Variants in PIK3R4 observed in about 807,000 individuals in gnomAD.
PIK3R4 encodes phosphoinositide 3-kinase regulatory subunit 4.
Under a neutral mutation model 136.5 loss-of-function variants are expected in PIK3R4, and 46 were observed. The ratio of observed to expected loss-of-function variants is 0.34; its 90% CI spans 0.27 to 0.43. PIK3R4 has a LOEUF of 0.43. Among genes scored for constraint, PIK3R4 ranks in the 20% least tolerant of loss-of-function variants. The probability of loss-of-function intolerance (pLI) is 1.00; values close to 1 mark genes in which losing one functional copy is unlikely to be tolerated. For synonymous variants in PIK3R4, 557 were observed against 566.7 expected (o/e 0.98, Z 0.24); for missense variants, 1,331 against 1,649.5 (o/e 0.81, Z 3.35).
intron 13 of PIK3R4, among the ~76,000 whole-genome samples, chr3:130,694,796 G>C (rs993982006): frequency 2.0e-5 from 3 of 151,970 alleles, no homozygotes; most frequent in African/African-American, 7.2e-5. Flanking sequence ...CAAATGTCCT[G>C]GCTAGAACCT....
intron 13 of PIK3R4, among the ~76,000 whole-genome samples, chr3:130,702,763 TAATCACATTTATTAA>T (rs1477790016): frequency 2.4e-4 from 36 of 152,270 alleles, no homozygotes; most frequent in Admixed American, 2.4e-3. Flanking sequence ...ATATTTATCA[TAATCACATTTATTAA>T]AATCACATCA....
intron 6 of PIK3R4, 130 bp downstream of exon 6, chr3:130,728,333 A>G (rs1362851413): frequency 1.6e-6 from 1 of 643,558 alleles, no homozygotes; most frequent in Non-Finnish European, 2.6e-6. Flanking sequence ...AAGCAGCATG[A>G]AGACAGAAAT....
At chr3:130,743,819 A>G (rs1209735941) in intron 2 of PIK3R4, among the ~76,000 whole-genome samples, 2 of 152,034 alleles carry the variant, frequency 1.3e-5, no homozygotes, top group African/African-American at 2.4e-5. Flanking sequence ...TTCACTCTCC[A>G]TGCTCCAGTC....
intron 6 of PIK3R4, among the ~76,000 whole-genome samples, chr3:130,727,343 C>G (rs1576461538): frequency 2.0e-5 from 3 of 151,782 alleles, no homozygotes; most frequent in Admixed American, 2.0e-4. Flanking sequence ...GCCTCAGCCC[C>G]CCTCCCGCCG....
intron 10 of PIK3R4, among the ~76,000 whole-genome samples, chr3:130,707,366 A>G (rs1186832001): frequency 6.6e-6 from 1 of 152,154 alleles, no homozygotes; most frequent in Non-Finnish European, 1.5e-5. Context: ...TAATAATAAG[A>G]CCTAATTACT....
intron 16 of PIK3R4, 54 bp downstream of exon 16, chr3:130,684,196 T>C: frequency 6.5e-7 from 1 of 1,539,954 alleles, no homozygotes; most frequent in Non-Finnish European, 9.0e-7. Flanking sequence ...AACAGGTTAT[T>C]ATGTACTTTC....
intron 16 of PIK3R4, among the ~76,000 whole-genome samples, chr3:130,682,022 T>C (rs974031860): frequency 2.0e-5 from 3 of 152,306 alleles, no homozygotes; most frequent in Non-Finnish European, 2.9e-5. Context: ...CTGACCTGAA[T>C]GAACCACATC....
At position 130,716,592 on chromosome 3, in the gene PIK3R4, C is replaced by A; in HGVS notation, c.2135G>T (p.Arg712Ile). The A allele has an allele frequency of 6.2e-7, 1 of 1,607,318 alleles. No homozygotes were observed. The highest frequency in any genetic ancestry group is 1.3e-5 in the African/African-American group (1 of 74,734). Residue 712 changes from arginine (R) to isoleucine (I), a missense_variant, in exon 9 of 20, where the codon AGA becomes ATA. By Grantham distance (97) the Arg-to-Ile change is moderately conservative. Around this residue, in one of 2 missense-constraint regions of PIK3R4, gnomAD observed 1,180 missense variants for 1,407.0 expected, o/e 0.84. Transcript: ENST00000356763. ...YITQPIIQIE[R>I]KLVLLSVLKE... ...TAAAACACTGAGCAGAACAAGTTTT[C>A]TTTCAATCTATATTGGAAAAATAAA...
intron 7 of PIK3R4, among the ~76,000 whole-genome samples, chr3:130,721,095 G>A (rs927699942): frequency 6.6e-6 from 1 of 152,138 alleles, no homozygotes; most frequent in African/African-American, 2.4e-5. Flanking sequence ...CAGCACTTTG[G>A]GAGGCTGAGG....
intron 12 of PIK3R4, among the ~76,000 whole-genome samples, chr3:130,704,240 A>G (rs1037864445): frequency 1.3e-5 from 2 of 152,210 alleles, no homozygotes; most frequent in Admixed American, 6.5e-5. Flanking sequence ...TCTGTGATTT[A>G]TTAAATAAAA....
rs1436520228 is a variant in PIK3R4 at position 130,705,783 on chromosome 3, A to G, written c.2722-12T>C. 1.8e-5 allele frequency: 27 copies of G among 1,522,756 alleles called. No individual in the cohort carries two copies. The highest frequency in any genetic ancestry group is 2.4e-5 in the Non-Finnish European group (26 of 1,098,432). 94.3% of individuals were successfully genotyped at this position (1,522,756 alleles called of 1,614,324 possible). On this transcript the variant is annotated splice_polypyrimidine_tract_variant and intron_variant, in intron 11 of 19. Coordinates refer to ENST00000356763, the MANE Select transcript of PIK3R4 (RefSeq NM_014602.3). ...GTCACTTCTGGAACCTACAAAACAAATAGAATTCTAACTATTTACGTCGTA... is the reference window on the plus strand; with the variant it reads ...GTCACTTCTGGAACCTACAAAACAAGTAGAATTCTAACTATTTACGTCGTA...
intron 3 of PIK3R4, 25 bp downstream of exon 3, chr3:130,735,844 T>C (rs1330519428): frequency 6.3e-7 from 1 of 1,590,196 alleles, no homozygotes; most frequent in Non-Finnish European, 8.5e-7. Flanking sequence ...AAAAACTTTA[T>C]GGCGAATATT....
chr3:130,704,193 C>T (rs944776411), intron 12 of PIK3R4, among the ~76,000 whole-genome samples: 5 of 152,112 alleles, frequency 3.3e-5, no homozygotes, highest in African/African-American at 1.2e-4. Flanking sequence ...GTACCTGCTA[C>T]CTCTGAAATC....
At chr3:130,691,867 G>GTTTTTTTT (rs757678674) in intron 13 of PIK3R4, among the ~76,000 whole-genome samples, 1 of 100,818 alleles carries the variant, frequency 9.9e-6, no homozygotes, top group Non-Finnish European at 2.0e-5. Flanking sequence ...TCTCTCTCTA[G>GTTTTTTTT]TTTTTTTTTT....
At chr3:130,685,517 A>C (rs1013937930) in intron 15 of PIK3R4, among the ~76,000 whole-genome samples, 1 of 152,208 alleles carries the variant, frequency 6.6e-6, no homozygotes, top group Non-Finnish European at 1.5e-5. Context: ...GTTGACTCTG[A>C]AAAGCCAAAC....
chr3:130,686,569 A>T, intron 14 of PIK3R4, 147 bp from the exon 15 acceptor site: 1 of 602,742 alleles, frequency 1.7e-6, no homozygotes, highest in Non-Finnish European at 3.0e-6. Flanking sequence ...ACATTAAAAA[A>T]ATTCCAGATG....
Position 130,689,834 on chromosome 3 carries a change from A to T in PIK3R4, c.3263+656T>A, listed in dbSNP as rs534334582. 4.6e-5 allele frequency among the ~76,000 whole-genome samples: 7 copies of T among 152,340 alleles called. No homozygotes were observed. The South Asian group carries it at 1.4e-3, about 32-fold the overall frequency. Reference sequence around the variant, plus strand: ...CCACTAGACTGTAGATTCTTAAAGCATAACATATCTTGTCTTTGAAATCTT... The same window carrying T: ...CCACTAGACTGTAGATTCTTAAAGCTTAACATATCTTGTCTTTGAAATCTT... On this transcript the variant is annotated intron_variant, in intron 14 of 19. Coordinates refer to ENST00000356763, the MANE Select transcript of PIK3R4 (RefSeq NM_014602.3).
intron 2 of PIK3R4, among the ~76,000 whole-genome samples, chr3:130,739,940 G>A (rs893977502): frequency 1.3e-5 from 2 of 152,106 alleles, no homozygotes; most frequent in African/African-American, 4.8e-5. Context: ...AAAAACAAAG[G>A]AGTGGGTGAC....
intron 12 of PIK3R4, 22 bp downstream of exon 12, chr3:130,705,539 T>C (rs776255105): frequency 1.3e-6 from 2 of 1,507,106 alleles, no homozygotes; most frequent in Admixed American, 3.3e-5. Context: ...AGACTACAAC[T>C]ACTTATCAAC....
Sources: allele counts gnomAD v4.1 joint callset (sites outside exome capture counted in the v4.1 genomes callset), GRCh38; gene constraint gnomAD v4.1.1; regional missense constraint gnomAD v4.1.1; transcripts MANE v1.5; gene names NCBI Gene and HGNC (gene_info 2026-07-23, HGNC 2026-07-21).